The following STK39 variants were observed in gnomAD, a reference collection of about 807,000 sequenced individuals.
The protein encoded by STK39 is serine/threonine kinase 39, also known as STE20/SPS1-related proline-alanine-rich protein kinase.
In STK39, 20 loss-of-function variants were observed where a neutral mutation model predicts 77.8. The observed-to-expected ratio is 0.26, with a 90% CI of 0.18 to 0.37. The LOEUF is 0.37. STK39 is among the 10% of genes least tolerant of loss of function. The pLI is 1.00. For synonymous variants in STK39, 246 were observed against 234.1 expected (o/e 1.05, Z -0.47); for missense variants, 479 against 656.5 (o/e 0.73, Z 2.95).
At chr2:168,127,419 G>A (rs1471229013) in intron 10 of STK39, among the ~76,000 whole-genome samples, 1 of 152,206 alleles carries the variant, frequency 6.6e-6, no homozygotes, top group Non-Finnish European at 1.5e-5. Flanking sequence ...AAAGTACTAG[G>A]ATTACAGGTG....
At position 168,210,532 on chromosome 2, in the gene STK39, T is replaced by C. The variant is rs776838688; in HGVS notation, c.209-28442A>G. Among the ~76,000 whole-genome samples the C allele has an allele frequency of 7.2e-5, 11 of 152,214 alleles. 1 individual carries two copies. Among genetic ancestry groups the C allele is most frequent in the Admixed American group, 3.3e-4 (5 of 15,286 alleles). ...ACTATCAAACTTTGTTGTTTTGTTT[T>C]GTTTTGAGACGAAGTCTTGCTCTGT... On this transcript the variant is annotated intron_variant, in intron 1 of 17. Transcript: ENST00000355999.
intron 14 of STK39, among the ~76,000 whole-genome samples, chr2:168,040,087 C>G (rs918114060): frequency 1.3e-5 from 2 of 152,030 alleles, no homozygotes; most frequent in South Asian, 4.2e-4. Context: ...CTGTCAACAC[C>G]GCACTCCGAT....
At chr2:167,957,279 C>A (rs1188387789) in intron 17 of STK39, among the ~76,000 whole-genome samples, 1 of 152,132 alleles carries the variant, frequency 6.6e-6, no homozygotes, top group Non-Finnish European at 1.5e-5. Context: ...CCAGTGATAT[C>A]TCTGGTTTCA....
At chr2:168,002,306 G>A (rs568324063) in intron 16 of STK39, among the ~76,000 whole-genome samples, 1 of 152,348 alleles carries the variant, frequency 6.6e-6, no homozygotes, top group East Asian at 1.9e-4. Flanking sequence ...AACTGAGAAC[G>A]TCTTTGGGGA....
intron 5 of STK39, among the ~76,000 whole-genome samples, chr2:168,148,400 C>T (rs1189609857): frequency 1.3e-5 from 2 of 152,156 alleles, no homozygotes; most frequent in African/African-American, 4.8e-5. Flanking sequence ...CCCTGCAATC[C>T]AAAGCAGGAG....
chr2:167,959,315 T>TGAA (rs1444646461), intron 17 of STK39, among the ~76,000 whole-genome samples: 1 of 151,230 alleles, frequency 6.6e-6, no homozygotes, highest in African/African-American at 2.4e-5. Context: ...TTAGTAGAGA[T>TGAA]GAAGTTTCAC....
Position 168,065,514 on chromosome 2 carries a change from C to T in STK39, c.1243-133G>A. The T allele has an allele frequency of 6.7e-6, 6 of 893,866 alleles. No individual in the cohort carries two copies. The South Asian group carries it at 7.7e-5, about 11-fold the overall frequency. The allele number at this position is 893,866 out of a possible 1,614,324, so 55.4% of individuals were successfully genotyped here. On this transcript the variant is annotated intron_variant, in intron 12 of 17. Coordinates refer to ENST00000355999, the MANE Select transcript of STK39 (RefSeq NM_013233.3). ...TAAAGCAATATTTACCAAAGTGTGG[C>T]TCTTTGACTACCTGTGTTGGAATCA...
Position 168,140,727 on chromosome 2 carries a change from C to G in STK39, c.660G>C (p.Gly220=). 1 of 1,609,672 alleles carries G rather than the reference C, an allele frequency of 6.2e-7. No homozygotes were observed. The highest frequency in any genetic ancestry group is 8.5e-7 in the Non-Finnish European group (1 of 1,177,324). ...DFGVSAFLAT[G]GDVTRNKVRK... is the part of the protein sequence containing the mutation. ...TTACTTTATTTCGGGTAACATCACCCCCTGTTGCTAGGAACGCACTTACCC... is the reference window on the plus strand; with the variant it reads ...TTACTTTATTTCGGGTAACATCACCGCCTGTTGCTAGGAACGCACTTACCC... Residue 220 remains glycine, a synonymous_variant, in exon 6 of 18, where the codon GGG becomes GGC. Coordinates refer to ENST00000355999, the MANE Select transcript of STK39 (RefSeq NM_013233.3).
chr2:168,129,081 G>C (rs958148505), intron 10 of STK39, among the ~76,000 whole-genome samples: 8 of 152,032 alleles, frequency 5.3e-5, no homozygotes, highest in Non-Finnish European at 1.2e-4. Context: ...GTTAACATAA[G>C]GTAAACTAAA....
chr2:168,021,694 TTAAAA>T (rs1053037632), intron 14 of STK39, among the ~76,000 whole-genome samples: 36 of 152,190 alleles, frequency 2.4e-4, no homozygotes, highest in African/African-American at 8.4e-4. Context: ...CCTTTTAATC[TTAAAA>T]TAAAAACTCT....
chr2:167,966,643 G>A (rs1007771386), intron 16 of STK39, among the ~76,000 whole-genome samples: 5 of 152,060 alleles, frequency 3.3e-5, no homozygotes, highest in Non-Finnish European at 2.9e-5. Context: ...CAATTTCCAG[G>A]GAATGTGTCA....
intron 17 of STK39, among the ~76,000 whole-genome samples, chr2:167,960,695 C>T (rs1403378493): frequency 6.6e-6 from 1 of 152,192 alleles, no homozygotes; most frequent in Middle Eastern, 3.4e-3. Flanking sequence ...GTTATGGTTA[C>T]CTGGCGTCAC....
chr2:168,131,724 G>A (rs550548821), intron 8 of STK39, among the ~76,000 whole-genome samples: 1 of 152,266 alleles, frequency 6.6e-6, no homozygotes, highest in South Asian at 2.1e-4. Context: ...CTAAACAACA[G>A]GTAGGCCATG....
At chr2:168,102,448 A>C (rs903455270) in intron 10 of STK39, among the ~76,000 whole-genome samples, 1 of 152,204 alleles carries the variant, frequency 6.6e-6, no homozygotes, top group Non-Finnish European at 1.5e-5. Flanking sequence ...TTGGGTATAC[A>C]AGGAAACTGG....
At chr2:168,060,410 C>T (rs1685634496) in intron 14 of STK39, among the ~76,000 whole-genome samples, 1 of 152,168 alleles carries the variant, frequency 6.6e-6, no homozygotes, top group Non-Finnish European at 1.5e-5. Flanking sequence ...GCTCTCACTC[C>T]CTCTCCACCA....
chr2:167,995,353 C>T (rs1359418874), intron 16 of STK39, among the ~76,000 whole-genome samples: 2 of 152,272 alleles, frequency 1.3e-5, no homozygotes, highest in African/African-American at 2.4e-5. Flanking sequence ...CGTGATGCAC[C>T]TGCCTCGGCC....
chr2:168,006,962 G>A (rs1229912989), intron 16 of STK39, among the ~76,000 whole-genome samples: 1 of 152,208 alleles, frequency 6.6e-6, no homozygotes, highest in Non-Finnish European at 1.5e-5. Flanking sequence ...AGGTATTGAA[G>A]ACTTTTTGTA....
chr2:168,040,446 G>A (rs192969516), intron 14 of STK39, among the ~76,000 whole-genome samples: 3 of 152,170 alleles, frequency 2.0e-5, no homozygotes, highest in African/African-American at 7.2e-5. Context: ...AATGCTTTTC[G>A]CTAAGTTCTC....
chr2:168,041,650 G>A (rs984102798), intron 14 of STK39, among the ~76,000 whole-genome samples: 3 of 152,106 alleles, frequency 2.0e-5, no homozygotes, highest in Admixed American at 6.6e-5. Flanking sequence ...ACAGCAAATG[G>A]GTACTTTAGA....
Sources: gnomAD v4.1 joint callset for allele counts (sites outside exome capture counted in the v4.1 genomes callset) on GRCh38, gnomAD v4.1.1 for gene constraint, MANE v1.5 for transcripts, NCBI Gene and HGNC (gene_info 2026-07-23, HGNC 2026-07-21) for gene names.